Variants in VPS13D observed in about 807,000 individuals in gnomAD.
The protein encoded by VPS13D is intermembrane lipid transfer protein VPS13D.
Under a neutral mutation model 461.9 loss-of-function variants are expected in VPS13D, and 187 were observed. The ratio of observed to expected loss-of-function variants is 0.40; its 90% CI spans 0.36 to 0.46. The LOEUF (loss-of-function observed/expected upper bound fraction) is 0.46. VPS13D is among the 20% of genes least tolerant of loss of function. VPS13D has a pLI of 0.60. For missense variants in VPS13D, 4,711 were observed against 5,364.9 expected (o/e 0.88, Z 3.81); for synonymous variants, 1,951 against 1,986.3 (o/e 0.98, Z 0.47).
At chr1:12,304,927 G>A (rs1642520927) in intron 26 of VPS13D, among the ~76,000 whole-genome samples, 199 bp downstream of exon 26, 2 of 151,898 alleles carry the variant, frequency 1.3e-5, no homozygotes, top group Admixed American at 6.6e-5. Context: ...GACTTGTAAA[G>A]TAGGGTTAAA....
At chr1:12,241,581 A>G (rs947749772) in intron 2 of VPS13D, among the ~76,000 whole-genome samples, 1 of 152,200 alleles carries the variant, frequency 6.6e-6, no homozygotes, top group Non-Finnish European at 1.5e-5. Flanking sequence ...AATGGCTTGC[A>G]TAGCCGGGAG....
chr1:12,510,855 T>G lies in VPS13D; in HGVS notation c.*1831T>G, dbSNP rs1301123271. ...CAGCTTCCTCCTCAGCCTCCCTCCT[T>G]GCACCCCCACAGGTTTGGCTTGTGG... On this transcript the variant is annotated 3_prime_UTR_variant, in exon 70 of 70. Transcript: ENST00000620676. 1 of 152,486 alleles carries G rather than the reference T, an allele frequency of 6.6e-6. No individual in the cohort carries two copies. Among genetic ancestry groups the G allele is most frequent in the African/African-American group, 2.4e-5 (1 of 41,414 alleles). The allele number at this position is 152,486 out of a possible 1,614,324, so 9.4% of individuals were successfully genotyped here.
intron 63 of VPS13D, among the ~76,000 whole-genome samples, chr1:12,411,958 T>C (rs1644735914): frequency 6.6e-6 from 1 of 152,216 alleles, no homozygotes; most frequent in Non-Finnish European, 1.5e-5. Context: ...CACACATTAT[T>C]ATATCTCTCG....
intron 56 of VPS13D, 29 bp downstream of exon 56, chr1:12,378,620 G>C: frequency 6.7e-7 from 1 of 1,497,760 alleles, no homozygotes; most frequent in Non-Finnish European, 9.0e-7. Context: ...TTTGATTCAA[G>C]CTCATTGCTT....
intron 35 of VPS13D, among the ~76,000 whole-genome samples, chr1:12,324,099 G>A (rs1643115877): frequency 6.6e-6 from 1 of 152,106 alleles, no homozygotes. Flanking sequence ...AGTAGAGGTG[G>A]GGTTTCACCA....
chr1:12,403,704 C>T (rs566804502), intron 62 of VPS13D, 121 bp from the exon 63 acceptor site: 4 of 928,878 alleles, frequency 4.3e-6, no homozygotes, highest in Admixed American at 3.2e-5. Context: ...CAAACTAAAT[C>T]GAGAGTGATA....
intron 68 of VPS13D, chr1:12,500,223 G>T: frequency 1.0e-6 from 1 of 984,284 alleles, no homozygotes; most frequent in South Asian, 4.7e-5. Context: ...ACCAACGTAT[G>T]ATTTCTGGTC....
chr1:12,490,127 T>C (rs1645856540), intron 67 of VPS13D, among the ~76,000 whole-genome samples: 1 of 152,172 alleles, frequency 6.6e-6, no homozygotes, highest in South Asian at 2.1e-4. Flanking sequence ...ATATGATAGT[T>C]TGGGAAAGGT....
chr1:12,301,136 A>G (rs1010142380), intron 25 of VPS13D, among the ~76,000 whole-genome samples: 11 of 152,248 alleles, frequency 7.2e-5, no homozygotes, highest in African/African-American at 2.7e-4. Context: ...TGTGCTCTTT[A>G]CATATAAAAG....
chr1:12,508,767 A>T, intron 69 of VPS13D, 126 bp from the exon 70 acceptor site: 2 of 1,021,952 alleles, frequency 2.0e-6, no homozygotes, highest in Non-Finnish European at 2.8e-6. Flanking sequence ...CCTGGCCATC[A>T]CTGTTTCTTT....
intron 65 of VPS13D, among the ~76,000 whole-genome samples, chr1:12,434,934 C>T (rs1488869025): frequency 1.3e-5 from 2 of 152,176 alleles, no homozygotes; most frequent in East Asian, 3.8e-4. Flanking sequence ...ATTTCCTTGG[C>T]ATTTGTCTCA....
At chr1:12,326,933 G>A (rs1643205916) in intron 35 of VPS13D, among the ~76,000 whole-genome samples, 1 of 152,084 alleles carries the variant, frequency 6.6e-6, no homozygotes, top group Non-Finnish European at 1.5e-5. Flanking sequence ...GTGAGCCACT[G>A]CACCCGACCA....
Position 12,354,601 on chromosome 1 carries a change from GCA to G in VPS13D, c.9679+382_9679+383del, listed in dbSNP as rs1446546375. 3.3e-5 allele frequency among the ~76,000 whole-genome samples: 5 copies of G among 152,278 alleles called. No individual in the cohort carries two copies. The East Asian group carries it at 7.7e-4, about 24-fold the overall frequency. On this transcript the variant is annotated intron_variant, in intron 47 of 69. Coordinates refer to ENST00000620676, the MANE Select transcript of VPS13D (RefSeq NM_015378.4). ...TCAAGCCGAAAGGTTTACAGAGGAG[GCA>G]CTCAACAGAGCCTTTTTTCTTACAT...
At chr1:12,443,378 A>G (rs1007631117) in intron 65 of VPS13D, among the ~76,000 whole-genome samples, 4 of 152,220 alleles carry the variant, frequency 2.6e-5, no homozygotes, top group South Asian at 4.1e-4. Flanking sequence ...TTATTTTACT[A>G]TTAGACATTT....
intron 63 of VPS13D, among the ~76,000 whole-genome samples, chr1:12,405,218 G>A (rs2101689991): frequency 6.6e-6 from 1 of 152,368 alleles, no homozygotes; most frequent in South Asian, 2.1e-4. Flanking sequence ...ATGGAGGAAT[G>A]TGAACCTGGT....
At chr1:12,268,309 A>C (rs1641335722) in intron 15 of VPS13D, among the ~76,000 whole-genome samples, 1 of 151,292 alleles carries the variant, frequency 6.6e-6, no homozygotes, top group Admixed American at 6.6e-5. Context: ...TTTCCAACAA[A>C]AACCAGATCA....
chr1:12,328,434 C>G (rs1349618645), intron 36 of VPS13D, among the ~76,000 whole-genome samples: 2 of 150,348 alleles, frequency 1.3e-5, no homozygotes, highest in Non-Finnish European at 2.9e-5. Context: ...CGCATGGGCT[C>G]AAGCAGTTCT....
At chr1:12,486,504 G>A (rs1388517903) in intron 67 of VPS13D, among the ~76,000 whole-genome samples, 1 of 152,180 alleles carries the variant, frequency 6.6e-6, no homozygotes, top group Non-Finnish European at 1.5e-5. Flanking sequence ...CCTGAGGAGC[G>A]GCCAGGGTTC....
intron 24 of VPS13D, among the ~76,000 whole-genome samples, chr1:12,295,430 TTCTC>T (rs1166159960): frequency 6.6e-6 from 1 of 152,172 alleles, no homozygotes; most frequent in Non-Finnish European, 1.5e-5. Context: ...ACTGTCTAGT[TTCTC>T]TCTCTGGAAG....
Sources: allele counts gnomAD v4.1 joint callset (sites outside exome capture counted in the v4.1 genomes callset), GRCh38; gene constraint gnomAD v4.1.1; transcripts MANE v1.5; gene names NCBI Gene and HGNC (gene_info 2026-07-23, HGNC 2026-07-21).